CRACDL: variants seen among roughly 807,000 people sequenced by gnomAD.
CRACDL encodes CRACD like, also known as CRACD-like protein.
Under a neutral mutation model 70.6 loss-of-function variants are expected in CRACDL, and 26 were observed. That is an observed-to-expected ratio of 0.37 (90% confidence interval 0.27 to 0.51). The LOEUF (loss-of-function observed/expected upper bound fraction) is 0.51. CRACDL is among the 20% of genes least tolerant of loss of function. CRACDL has a pLI of 0.94. For missense variants in CRACDL, 1,283 were observed against 1,376.9 expected, an observed-to-expected ratio of 0.93 and a Z score of 1.08; for synonymous variants, 618 against 615.2, an observed-to-expected ratio of 1.00 and a Z score of -0.07.
Position 98,794,536 on chromosome 2 carries a change from T to G in CRACDL, c.2885A>C (p.Lys962Thr). Reference sequence around the variant, plus strand: ...CTTTATCAGCACACTGCCCACCTATTTTATAATCTGGGGCATGTCACTCCA... The same window carrying G: ...CTTTATCAGCACACTGCCCACCTATGTTATAATCTGGGGCATGTCACTCCA... The part of the protein sequence containing the change: ...QAWSDMPQII[K>T] The change falls in exon 10 of 10, where the codon AAA becomes ACA. Residue 962 changes from lysine (K) to threonine (T), a missense_variant. Lys to Thr is a moderately conservative substitution (Grantham distance 78). Transcript: ENST00000397899. 3.7e-6 allele frequency: 6 copies of G among 1,613,972 alleles called. No individual in the cohort carries two copies. Among genetic ancestry groups the G allele is most frequent in the Non-Finnish European group, 5.1e-6 (6 of 1,179,882 alleles).
At position 98,823,187 on chromosome 2, in the gene CRACDL, C is replaced by T. The variant is rs536639314; in HGVS notation, c.1086G>A (p.Pro362=). ...GCTTTCCGCCGTCGGGACCGGGATT[C>T]GGGGGGCCCTCCGGCGGGGACGGGG... ...VEPPSPPEGP[P]NPGPDGGKQD... Residue 362 remains proline, a synonymous_variant, in exon 7 of 10, where the codon CCG becomes CCA. Coordinates refer to ENST00000397899, the MANE Select transcript of CRACDL (RefSeq NM_207362.3). This position sits in a 1 kb window ranked among gnomAD's most constrained non-coding sequence, Gnocchi z 4.0. 142 of 1,489,958 alleles carry T rather than the reference C, an allele frequency of 9.5e-5. No homozygotes were observed. In the African/African-American group the frequency reaches 1.8e-3, roughly 19 times the overall value. 92.3% of individuals were successfully genotyped at this position (1,489,958 alleles called of 1,614,324 possible). A position where few individuals can be genotyped will look rare whatever the true frequency, so the allele number is the denominator to read the frequency against.
At position 98,890,875 on chromosome 2, in the gene CRACDL, G is replaced by A. The variant is rs377280283; in HGVS notation, c.-10-44065C>T. The stretch of plus-strand genomic sequence containing the variant: ...AGTTCGAGACCAGCCTCGTCAACAC[G>A]GTGAAACCCCGTCTCTACCAAAAAT... On this transcript the variant is annotated intron_variant, in intron 1 of 9. Coordinates refer to ENST00000397899, the MANE Select transcript of CRACDL (RefSeq NM_207362.3). Among the ~76,000 whole-genome samples, 13 of 151,880 alleles carry A rather than the reference G, an allele frequency of 8.6e-5. No homozygotes were observed. The South Asian group carries it at 1.2e-3, about 15-fold the overall frequency.
chr2:98,830,561 C>T (rs945560051), intron 5 of CRACDL, among the ~76,000 whole-genome samples: 3 of 152,120 alleles, frequency 2.0e-5, no homozygotes, highest in Admixed American at 6.5e-5. Flanking sequence ...GTCTTCAAAA[C>T]GATGAAGACA....
At chr2:98,885,235 T>C (rs1878585) in intron 1 of CRACDL, among the ~76,000 whole-genome samples, 73,230 of 152,002 alleles carry the variant, frequency 0.48, 18,754 homozygotes, top group African/African-American at 0.66. Context: ...ATGAAGGGTG[T>C]GTGAGACGTA....
chr2:98,920,964 A>T (rs1451627399), intron 1 of CRACDL, among the ~76,000 whole-genome samples: 1 of 152,098 alleles, frequency 6.6e-6, no homozygotes, highest in East Asian at 1.9e-4. Context: ...AAAAAGAAGT[A>T]CTCCAGGAAG....
chr2:98,823,524 T>G lies in CRACDL; in HGVS notation c.749A>C (p.Glu250Ala). 1 of 1,586,944 alleles carries G rather than the reference T, an allele frequency of 6.3e-7. No individual in the cohort carries two copies. The highest frequency in any genetic ancestry group is 8.5e-7 in the Non-Finnish European group (1 of 1,174,310). The change falls in exon 7 of 10, where the codon GAA becomes GCA. Residue 250 changes from glutamate (E) to alanine (A), a missense_variant. Glu to Ala is a moderately radical substitution (Grantham distance 107). Around this residue, in one of 2 missense-constraint regions of CRACDL, gnomAD observed 362 missense variants for 495.0 expected, o/e 0.73. Transcript: ENST00000397899. This position sits in a 1 kb window ranked among gnomAD's most constrained non-coding sequence, Gnocchi z 4.0. Reference sequence around the variant, plus strand: ...GGTGCACGTCAGGTCGCTCAGGGATTCAGACTGAGCGCGCTGAGAGAAATA... The same window carrying G: ...GGTGCACGTCAGGTCGCTCAGGGATGCAGACTGAGCGCGCTGAGAGAAATA... The part of the protein sequence containing the change: ...MRRLSSRAQS[E>A]SLSDLTCTPE...
At chr2:98,917,181 AAGGGCCTC>A in intron 1 of CRACDL, among the ~76,000 whole-genome samples, 1 of 152,296 alleles carries the variant, frequency 6.6e-6, no homozygotes. Context: ...AAATGTTCCT[AAGGGCCTC>A]ACTGCACTCC....
intron 1 of CRACDL, among the ~76,000 whole-genome samples, chr2:98,932,052 A>T (rs1709091802): frequency 6.6e-6 from 1 of 152,244 alleles, no homozygotes; most frequent in Admixed American, 6.5e-5. Context: ...AGATCTAGAA[A>T]GAGCATTATT....
chr2:98,821,713 G>T, intron 7 of CRACDL, 144 bp downstream of exon 7: 1 of 1,096,470 alleles, frequency 9.1e-7, no homozygotes, highest in Non-Finnish European at 1.3e-6. Context: ...GATCAGACAT[G>T]ATGTTAGTGG....
intron 1 of CRACDL, among the ~76,000 whole-genome samples, chr2:98,904,588 T>C (rs1708358366): frequency 6.6e-6 from 1 of 152,204 alleles, no homozygotes; most frequent in South Asian, 2.1e-4. Context: ...CAGGTGACAA[T>C]GGACCCATGA....
In CRACDL at chr2:98,857,187, A is replaced by C. The variant is rs187248845; in HGVS notation, c.-10-10377T>G. ...AAGGGGAACTTATTACCCCGTTTAC[A>C]ACACAGCTACATTGGAGTAAGAAAA... On this transcript the variant is annotated intron_variant, in intron 1 of 9. Transcript: ENST00000397899. 3.3e-5 allele frequency among the ~76,000 whole-genome samples: 5 copies of C among 152,350 alleles called. No individual in the cohort carries two copies. The East Asian group carries it at 9.6e-4, about 29-fold the overall frequency.
chr2:98,896,227 G>A (rs76958083), intron 1 of CRACDL, among the ~76,000 whole-genome samples: 4,457 of 152,230 alleles, frequency 0.029, 126 homozygotes, highest in South Asian at 0.054. Flanking sequence ...CATGCACCCA[G>A]GTTTCACATG....
Position 98,797,474 on chromosome 2 carries a change from A to C in CRACDL, c.2480T>G (p.Ile827Ser), listed in dbSNP as rs1206253691. ...CCTCCGCTTCTGCCGAGTGACGGTG[A>C]TCCAGGGTGGCGCAGGCTGCCCATC... Reference protein sequence around the residue: ...GADGQPAPPWITVTRQKRRGT... With the variant: ...GADGQPAPPWSTVTRQKRRGT... The change falls in exon 8 of 10, where the codon ATC (isoleucine) becomes AGC (serine). Residue 827 changes from isoleucine (I) to serine (S), a missense_variant. Around this residue, in one of 2 missense-constraint regions of CRACDL, gnomAD observed 921 missense variants for 881.9 expected, o/e 1.04. Transcript: ENST00000397899. The C allele has an allele frequency of 6.2e-7, 1 of 1,614,082 alleles. No homozygotes were observed. The highest frequency in any genetic ancestry group is 1.7e-5 in the Admixed American group (1 of 60,004).
chr2:98,816,446 T>C (rs1478978179), intron 7 of CRACDL, among the ~76,000 whole-genome samples: 1 of 152,198 alleles, frequency 6.6e-6, no homozygotes, highest in Non-Finnish European at 1.5e-5. Context: ...GGTTTCTGGC[T>C]TGAGTATCTG....
chr2:98,921,336 AG>A (rs1378316935), intron 1 of CRACDL, among the ~76,000 whole-genome samples: 1 of 152,240 alleles, frequency 6.6e-6, no homozygotes, highest in East Asian at 1.9e-4. Context: ...TCTGCGTCCC[AG>A]GTGAGCGCAC....
intron 6 of CRACDL, 57 bp downstream of exon 6, chr2:98,826,918 T>C (rs950562939): frequency 8.7e-7 from 1 of 1,143,450 alleles, no homozygotes; most frequent in South Asian, 1.4e-5. Context: ...GGGGGGGGCA[T>C]AGGGGGGTGC....
At chr2:98,878,035 C>G (rs1316471857) in intron 1 of CRACDL, among the ~76,000 whole-genome samples, 1 of 151,762 alleles carries the variant, frequency 6.6e-6, no homozygotes, top group South Asian at 2.1e-4. Context: ...CAACCTCTGC[C>G]CCCCAGGTTC....
intron 1 of CRACDL, among the ~76,000 whole-genome samples, chr2:98,928,733 G>A (rs545611973): frequency 1.3e-5 from 2 of 152,136 alleles, no homozygotes; most frequent in Non-Finnish European, 2.9e-5. Flanking sequence ...AGATAACACT[G>A]GCCAAGCCTC....
chr2:98,861,094 C>T (rs1055500979), intron 1 of CRACDL, among the ~76,000 whole-genome samples: 2 of 152,170 alleles, frequency 1.3e-5, no homozygotes, highest in Admixed American at 6.5e-5. Context: ...TGCCTGTAAT[C>T]CCAGCACTTT....
Sources: gnomAD v4.1 joint callset for allele counts (sites outside exome capture counted in the v4.1 genomes callset) on GRCh38, gnomAD v4.1.1 for gene constraint, gnomAD v4.1.1 regional missense constraint, Gnocchi (gnomAD v3.1) non-coding constraint, MANE v1.5 for transcripts, NCBI Gene and HGNC (gene_info 2026-07-23, HGNC 2026-07-21) for gene names.